The following SEMA6D variants were observed in gnomAD, a reference collection of about 807,000 sequenced individuals.
SEMA6D encodes the protein semaphorin-6D.
SEMA6D carries 35 observed loss-of-function variants against 106.6 expected under a neutral mutation model. The observed-to-expected ratio is 0.33, with a 90% CI of 0.25 to 0.44. The LOEUF is 0.44. SEMA6D is among the 20% of genes least tolerant of loss of function. The probability of loss-of-function intolerance (pLI) is 1.00; values close to 1 mark genes in which losing one functional copy is unlikely to be tolerated. For synonymous variants in SEMA6D, 499 were observed against 487.7 expected, an observed-to-expected ratio of 1.02 and a Z score of -0.31; for missense variants, 1,185 against 1,345.9, an observed-to-expected ratio of 0.88 and a Z score of 1.87.
chr15:47,199,227 A>G (rs1322999122), intron 1 of SEMA6D, among the ~76,000 whole-genome samples: 1 of 152,222 alleles, frequency 6.6e-6, no homozygotes. Flanking sequence ...AGAGGTTTAT[A>G]TTAAGGTGCA....
intron 1 of SEMA6D, among the ~76,000 whole-genome samples, chr15:47,752,645 G>A (rs1248304364): frequency 1.3e-5 from 2 of 151,162 alleles, no homozygotes; most frequent in Non-Finnish European, 3.0e-5. Context: ...ATACCAGAAA[G>A]AGAGAAATAT....
chr15:47,508,330 G>A (rs1298815969), intron 3 of SEMA6D, among the ~76,000 whole-genome samples: 1 of 152,158 alleles, frequency 6.6e-6, no homozygotes, highest in Admixed American at 6.5e-5. Flanking sequence ...TCTTCCAGGG[G>A]GTTTTGGATC....
At chr15:47,552,875 TATATAAATATATATAA>T (rs1406191086) in intron 3 of SEMA6D, among the ~76,000 whole-genome samples, 4 of 14,622 alleles carry the variant, frequency 2.7e-4, no homozygotes, top group South Asian at 4.6e-3. Context: ...TTTTTATATA[TATATAAATATATATAA>T]ATATATATAT....
intron 1 of SEMA6D, among the ~76,000 whole-genome samples, chr15:47,301,865 G>A (rs1266355252): frequency 6.6e-6 from 1 of 152,190 alleles, no homozygotes; most frequent in South Asian, 2.1e-4. Flanking sequence ...AACTCTGAAG[G>A]AGAGAAAAGC....
At chr15:47,245,840 T>C (rs2033164634) in intron 1 of SEMA6D, among the ~76,000 whole-genome samples, 1 of 151,988 alleles carries the variant, frequency 6.6e-6, no homozygotes, top group Non-Finnish European at 1.5e-5. Flanking sequence ...AGAGTAAATA[T>C]CCATCAAGAA....
intron 1 of SEMA6D, among the ~76,000 whole-genome samples, chr15:47,373,771 G>T (rs190520110): frequency 1.3e-5 from 2 of 152,286 alleles, no homozygotes; most frequent in East Asian, 3.9e-4. Context: ...TTCATACAGG[G>T]TTGTTGTTGT....
At chr15:47,264,646 A>G (rs2034231643) in intron 1 of SEMA6D, among the ~76,000 whole-genome samples, 1 of 152,092 alleles carries the variant, frequency 6.6e-6, no homozygotes, top group Non-Finnish European at 1.5e-5. Context: ...ACTATTAAAT[A>G]GAAATAGCAA....
chr15:47,265,041 A>T (rs1176630661), intron 1 of SEMA6D, among the ~76,000 whole-genome samples: 1 of 152,046 alleles, frequency 6.6e-6, no homozygotes, highest in Non-Finnish European at 1.5e-5. Flanking sequence ...TTTTATATCC[A>T]CGTGCATAAG....
chr15:47,363,397 A>C (rs917845961), intron 1 of SEMA6D, among the ~76,000 whole-genome samples: 5 of 151,710 alleles, frequency 3.3e-5, no homozygotes, highest in African/African-American at 1.2e-4. Context: ...TCAGCTTCTA[A>C]GGTAAATTAC....
At chr15:47,409,732 A>T (rs2433019) in intron 1 of SEMA6D, among the ~76,000 whole-genome samples, 3 of 151,846 alleles carry the variant, frequency 2.0e-5, no homozygotes, top group Admixed American at 6.5e-5. Flanking sequence ...GCTAAGGTTA[A>T]GACCAGTATC....
chr15:47,326,404 A>G (rs2037130808), intron 1 of SEMA6D, among the ~76,000 whole-genome samples: 1 of 152,254 alleles, frequency 6.6e-6, no homozygotes, highest in South Asian at 2.1e-4. Flanking sequence ...AGCATTTGAT[A>G]TGCACATTCT....
chr15:47,575,516 G>A (rs758384546), intron 3 of SEMA6D, among the ~76,000 whole-genome samples: 1 of 152,080 alleles, frequency 6.6e-6, no homozygotes, highest in African/African-American at 2.4e-5. Flanking sequence ...TCAGGAGATC[G>A]AGACCATCCT....
chr15:47,427,412 A>T (rs780450844), intron 2 of SEMA6D, among the ~76,000 whole-genome samples: 2 of 152,192 alleles, frequency 1.3e-5, no homozygotes, highest in African/African-American at 2.4e-5. Flanking sequence ...GCGCTGAGAA[A>T]TATTACATTT....
At chr15:47,232,366 T>G (rs2032257864) in intron 1 of SEMA6D, among the ~76,000 whole-genome samples, 2 of 151,818 alleles carry the variant, frequency 1.3e-5, no homozygotes, top group South Asian at 4.1e-4. Context: ...TACCTGGGAG[T>G]GGAATTGCTG....
At chr15:47,402,876 A>G (rs1567054850) in intron 1 of SEMA6D, among the ~76,000 whole-genome samples, 1 of 152,144 alleles carries the variant, frequency 6.6e-6, no homozygotes, top group Admixed American at 6.5e-5. Context: ...GGACAAGCCA[A>G]CAATTCCTGG....
intron 1 of SEMA6D, among the ~76,000 whole-genome samples, chr15:47,350,908 A>G (rs1313470073): frequency 1.3e-5 from 2 of 152,114 alleles, no homozygotes; most frequent in Admixed American, 1.3e-4. Flanking sequence ...CATATGTATG[A>G]CATGCTGGTT....
chr15:47,290,090 C>A (rs933819990), intron 1 of SEMA6D, among the ~76,000 whole-genome samples: 1 of 152,154 alleles, frequency 6.6e-6, no homozygotes, highest in African/African-American at 2.4e-5. Flanking sequence ...CAGCATACTG[C>A]CTATGGGACA....
upstream of SEMA6D, among the ~76,000 whole-genome samples, chr15:47,714,669 A>G (rs997786078): frequency 3.3e-5 from 5 of 152,204 alleles, no homozygotes; most frequent in African/African-American, 4.8e-5. Flanking sequence ...AAAACACTCA[A>G]TTATCTCCAT....
chr15:47,302,018 CAG>C (rs1277800430), intron 1 of SEMA6D, among the ~76,000 whole-genome samples: 2 of 152,152 alleles, frequency 1.3e-5, no homozygotes, highest in African/African-American at 4.8e-5. Flanking sequence ...ACAGCAACAA[CAG>C]TAACAACCAA....
Sources: allele counts gnomAD v4.1 joint callset (sites outside exome capture counted in the v4.1 genomes callset), GRCh38; gene constraint gnomAD v4.1.1; transcripts MANE v1.5; gene names NCBI Gene and HGNC (gene_info 2026-07-23, HGNC 2026-07-21).